The following GRID1 variants were observed in gnomAD, a reference collection of about 807,000 sequenced individuals.
GRID1 encodes the protein glutamate ionotropic receptor delta type subunit 1.
A neutral mutation model predicts 98.0 loss-of-function variants in GRID1; 28 were observed. That is an observed-to-expected ratio of 0.29 (90% CI 0.21 to 0.39). The LOEUF is 0.39. GRID1 is among the 10% of genes least tolerant of loss of function. GRID1 has a pLI of 1.00. For missense variants in GRID1, 1,111 were observed against 1,340.5 expected, an observed-to-expected ratio of 0.83 and a Z score of 2.67; for synonymous variants, 553 against 538.5, an observed-to-expected ratio of 1.03 and a Z score of -0.37.
At chr10:85,799,487 A>G (rs1389909424) in intron 8 of GRID1, among the ~76,000 whole-genome samples, 1 of 152,164 alleles carries the variant, frequency 6.6e-6, no homozygotes, top group African/African-American at 2.4e-5. Context: ...CAATGGATGA[A>G]TAGATTTTTA....
chr10:86,038,811 T>C (rs1366175711), intron 4 of GRID1, among the ~76,000 whole-genome samples: 1 of 152,244 alleles, frequency 6.6e-6, no homozygotes, highest in Admixed American at 6.5e-5. Flanking sequence ...AGTGATGACT[T>C]GCAGAAGATG....
intron 3 of GRID1, among the ~76,000 whole-genome samples, chr10:86,184,972 A>G (rs1845708716): frequency 6.6e-6 from 1 of 152,176 alleles, no homozygotes; most frequent in Non-Finnish European, 1.5e-5. Context: ...TAGGTACTTT[A>G]CATTTCCATA....
chr10:85,883,706 TATCTATAACCACTACAA>T (rs200376880), intron 5 of GRID1, among the ~76,000 whole-genome samples: 17 of 152,212 alleles, frequency 1.1e-4, no homozygotes, highest in East Asian at 3.8e-4. Context: ...GAGCACTAGT[TATCTATAACCACTACAA>T]ATCTATAACC....
chr10:85,625,656 C>A (rs545711840), intron 13 of GRID1, among the ~76,000 whole-genome samples: 109 of 152,292 alleles, frequency 7.2e-4, no homozygotes, highest in African/African-American at 2.4e-3. Flanking sequence ...TCTCAGTCTA[C>A]CTGCTCCCTG....
chr10:85,680,906 C>G (rs1306244166), intron 12 of GRID1, among the ~76,000 whole-genome samples: 1 of 152,142 alleles, frequency 6.6e-6, no homozygotes, highest in Non-Finnish European at 1.5e-5. Flanking sequence ...ATACCACATG[C>G]TCTCACTTAC....
intron 8 of GRID1, among the ~76,000 whole-genome samples, chr10:85,807,675 G>A (rs1235561659): frequency 1.3e-5 from 2 of 152,098 alleles, no homozygotes; most frequent in African/African-American, 4.8e-5. Flanking sequence ...ATCAAAATGT[G>A]ATACTATTTT....
At position 85,800,841 on chromosome 10, in the gene GRID1, C is replaced by T. The variant is rs542813542; in HGVS notation, c.1233+53655G>A. Among the ~76,000 whole-genome samples, 40 of 152,000 alleles carry T rather than the reference C, an allele frequency of 2.6e-4. No homozygotes were observed. The East Asian group carries it at 6.6e-3, about 25-fold the overall frequency. On this transcript the variant is annotated intron_variant, in intron 8 of 15. Transcript: ENST00000327946. ...AATTCCCACTTTACAGAGATAGAAA[C>T]GGAAGCACAGAGAGTTTAAGTAATT...
At chr10:86,266,236 A>T (rs1193890340) in intron 2 of GRID1, among the ~76,000 whole-genome samples, 2 of 151,726 alleles carry the variant, frequency 1.3e-5, no homozygotes, top group African/African-American at 4.8e-5. Context: ...CTATGACCCC[A>T]GCTATGACTC....
At chr10:86,264,611 T>A (rs1847073870) in intron 2 of GRID1, 1 of 457,524 alleles carries the variant, frequency 2.2e-6, no homozygotes. Context: ...CCTGGCCTGA[T>A]GCCCCACGCT....
In GRID1 at chr10:85,602,118, C is replaced by G. The variant is rs1023296553; in HGVS notation, c.*155G>C. On this transcript the variant is annotated 3_prime_UTR_variant, in exon 16 of 16. Coordinates refer to ENST00000327946, the MANE Select transcript of GRID1 (RefSeq NM_017551.3). ...AAATACACTTTTACCCCACTCCATT[C>G]TGTCATTATTTACACATATGTACAA... 1 of 505,540 alleles carries G rather than the reference C, an allele frequency of 2.0e-6. No homozygotes were observed. Among genetic ancestry groups the G allele is most frequent in the African/African-American group, 1.9e-5 (1 of 52,706 alleles). The allele number at this position is 505,540 out of a possible 1,614,324, so 31.3% of individuals were successfully genotyped here.
At chr10:85,717,871 CA>C (rs1841657006) in intron 12 of GRID1, among the ~76,000 whole-genome samples, 1 of 152,064 alleles carries the variant, frequency 6.6e-6, no homozygotes, top group Non-Finnish European at 1.5e-5. Context: ...AAATTGGCCA[CA>C]ACAAAGGGGT....
At position 85,618,245 on chromosome 10, in the gene GRID1, C is replaced by T. The variant is rs569009862; in HGVS notation, c.2360+1622G>A. 7.9e-5 allele frequency among the ~76,000 whole-genome samples: 12 copies of T among 152,260 alleles called. No homozygotes were observed. The South Asian group carries it at 2.5e-3, about 32-fold the overall frequency. On this transcript the variant is annotated intron_variant, in intron 14 of 15. Coordinates refer to ENST00000327946, the MANE Select transcript of GRID1 (RefSeq NM_017551.3). ...CTCTAACCTTTCCTCGCTGGGGCCC[C>T]TGTGCTTCCATGAGCGCTGCCTTGG...
intron 2 of GRID1, among the ~76,000 whole-genome samples, chr10:86,211,102 C>T (rs1442710310): frequency 1.3e-5 from 2 of 152,212 alleles, no homozygotes; most frequent in Non-Finnish European, 2.9e-5. Context: ...TGATGGCTCC[C>T]TCTTCACAGG....
At position 85,601,726 on chromosome 10, in the gene GRID1, C is replaced by T. The variant is rs1842578654; in HGVS notation, c.*547G>A. On this transcript the variant is annotated 3_prime_UTR_variant, in exon 16 of 16. Coordinates refer to ENST00000327946, the MANE Select transcript of GRID1 (RefSeq NM_017551.3). ...CTCCTCAGCCCCAGGCTACCCAGAA[C>T]AGCCGATCACCCTACAGCACAGCAA... The T allele has an allele frequency of 6.5e-6, 1 of 153,622 alleles. No homozygotes were observed. Among genetic ancestry groups the T allele is most frequent in the Admixed American group, 6.5e-5 (1 of 15,402 alleles). The allele number at this position is 153,622 out of a possible 1,614,324, so 9.5% of individuals were successfully genotyped here.
At chr10:85,991,377 C>T (rs1057406351) in intron 4 of GRID1, among the ~76,000 whole-genome samples, 7 of 152,006 alleles carry the variant, frequency 4.6e-5, no homozygotes, top group African/African-American at 1.7e-4. Flanking sequence ...GTGAAACATC[C>T]AGGTGGATGC....
In GRID1 at chr10:85,872,629, G is replaced by A. The variant is rs1843289952; in HGVS notation, c.781-3449C>T. The stretch of plus-strand genomic sequence containing the variant: ...GGAGTGAGTGGCTAAGTGGGCCAAG[G>A]GCAGCCACCACATCAAGTGGGCTCA... On this transcript the variant is annotated intron_variant, in intron 5 of 15. Coordinates refer to ENST00000327946, the MANE Select transcript of GRID1 (RefSeq NM_017551.3). Among the ~76,000 whole-genome samples, 3 of 152,164 alleles carry A rather than the reference G, an allele frequency of 2.0e-5. No individual in the cohort carries two copies. In the South Asian group the frequency reaches 6.2e-4, roughly 32 times the overall value.
chr10:86,062,366 C>T (rs1304240091), intron 4 of GRID1, among the ~76,000 whole-genome samples: 1 of 152,058 alleles, frequency 6.6e-6, no homozygotes, highest in Non-Finnish European at 1.5e-5. Flanking sequence ...GTGTAACTCA[C>T]CCCCCAGAGC....
chr10:85,711,418 T>A (rs1342035945), intron 12 of GRID1, among the ~76,000 whole-genome samples: 1 of 151,924 alleles, frequency 6.6e-6, no homozygotes, highest in African/African-American at 2.4e-5. Flanking sequence ...ATGAGGTACC[T>A]AGAGTAGTCA....
At chr10:86,258,182 C>T (rs1435240449) in intron 2 of GRID1, among the ~76,000 whole-genome samples, 1 of 152,112 alleles carries the variant, frequency 6.6e-6, no homozygotes, top group African/African-American at 2.4e-5. Context: ...ATAGCCAACC[C>T]TAAAACAGAC....
Sources: gnomAD v4.1 joint callset for allele counts (sites outside exome capture counted in the v4.1 genomes callset) on GRCh38, gnomAD v4.1.1 for gene constraint, MANE v1.5 for transcripts, NCBI Gene and HGNC (gene_info 2026-07-23, HGNC 2026-07-21) for gene names.